Variants in IL21 observed in about 807,000 individuals in gnomAD.
IL21 encodes interleukin-21.
A neutral mutation model predicts 18.4 loss-of-function variants in IL21; 3 were observed. The observed-to-expected ratio is 0.16, with a 90% confidence interval of 0.07 to 0.42. The LOEUF (loss-of-function observed/expected upper bound fraction) is 0.42, where lower values mean the gene tolerates loss of function less well. IL21 is among the 10% of genes least tolerant of loss of function. The pLI is 0.99. For synonymous variants in IL21, 37 were observed against 62.0 expected, an observed-to-expected ratio of 0.60 and a Z score of 1.90; for missense variants, 130 against 188.4, an observed-to-expected ratio of 0.69 and a Z score of 1.81.
Position 122,612,776 on chromosome 4 carries a change from A to G in IL21, c.439-16T>C. ...GATGAATCATCTGTGGAAATAGTAT[A>G]CCGTGAGTAACTAAGAAGCAAATCT... On this transcript the variant is annotated splice_polypyrimidine_tract_variant and intron_variant, in intron 4 of 4. Transcript: ENST00000648588. The G allele has an allele frequency of 6.2e-7, 1 of 1,613,562 alleles. No individual in the cohort carries two copies. Among genetic ancestry groups the G allele is most frequent in the Non-Finnish European group, 8.5e-7 (1 of 1,179,654 alleles).
In IL21 at chr4:122,612,598, G is replaced by GGTTTT; in HGVS notation, c.*111_*112insAAAAC. 1.3e-6 allele frequency: 1 copy of GGTTTT among 749,682 alleles called. No homozygotes were observed. Among genetic ancestry groups the GGTTTT allele is most frequent in the East Asian group, 2.7e-5 (1 of 37,564 alleles). The allele number at this position is 749,682 out of a possible 1,614,324, so 46.4% of individuals were successfully genotyped here. A position where few individuals can be genotyped will look rare whatever the true frequency, so the allele number is the denominator to read the frequency against. On this transcript the variant is annotated 3_prime_UTR_variant, in exon 5 of 5. Coordinates refer to ENST00000648588, the MANE Select transcript of IL21 (RefSeq NM_021803.4). The stretch of plus-strand genomic sequence containing the variant: ...TAATCCTGACTTTGCACACTTATGA[G>GGTTTT]TTTTTTTTTCCCATCGCTAATATAT...
At chr4:122,619,895 T>C (rs1425218915) in intron 2 of IL21, 4 of 152,382 alleles carry the variant, frequency 2.6e-5, no homozygotes, top group Non-Finnish European at 1.5e-5. Context: ...GTAGCACTTT[T>C]AGTTATTCTA....
chr4:122,610,811 A>G lies in IL21; in HGVS notation c.*1899T>C, dbSNP rs1406637380. Among the ~76,000 whole-genome samples, 3 of 152,194 alleles carry G rather than the reference A, an allele frequency of 2.0e-5. No homozygotes were observed. Among genetic ancestry groups the G allele is most frequent in the African/African-American group, 7.2e-5 (3 of 41,460 alleles). On this transcript the variant is annotated 3_prime_UTR_variant, in exon 5 of 5. Coordinates refer to ENST00000648588, the MANE Select transcript of IL21 (RefSeq NM_021803.4). Reference sequence around the variant, plus strand: ...AGAGCAGTGAAGATGGAGCTGTTCAAGTCTCACTGCTTCATCTTGTTTATT... The same window carrying G: ...AGAGCAGTGAAGATGGAGCTGTTCAGGTCTCACTGCTTCATCTTGTTTATT...
intron 3 of IL21, among the ~76,000 whole-genome samples, chr4:122,614,655 A>C (rs1799312495): frequency 6.6e-6 from 1 of 152,064 alleles, no homozygotes; most frequent in African/African-American, 2.4e-5. Flanking sequence ...GCAGTGAGCC[A>C]AGACCTTGCC....
Position 122,612,652 on chromosome 4 carries a change from A to G in IL21, c.*58T>C, listed in dbSNP as rs1578434627. 4.8e-6 allele frequency: 6 copies of G among 1,257,720 alleles called. No individual in the cohort carries two copies. The highest frequency in any genetic ancestry group is 7.0e-6 in the Non-Finnish European group (6 of 860,466). 77.9% of individuals were successfully genotyped at this position (1,257,720 alleles called of 1,614,324 possible). On this transcript the variant is annotated 3_prime_UTR_variant, in exon 5 of 5. Transcript: ENST00000648588. ...ACTCCTCCACTTGGAATACAAAGAA[A>G]TGACTTTCACTACTATATTAGAGTA...
chr4:122,617,651 C>G (rs1180407729), intron 2 of IL21, among the ~76,000 whole-genome samples: 2 of 152,182 alleles, frequency 1.3e-5, no homozygotes, highest in Admixed American at 6.5e-5. Context: ...TTCTGAAAGC[C>G]TTTGAATGGT....
intron 2 of IL21, chr4:122,618,923 G>A (rs1018765897): frequency 6.8e-6 from 1 of 146,770 alleles, no homozygotes; most frequent in Non-Finnish European, 1.5e-5. Flanking sequence ...ATTCTTTGTT[G>A]TCAGGGCTGT....
At chr4:122,617,042 C>A (rs1209370862) in intron 2 of IL21, among the ~76,000 whole-genome samples, 2 of 152,122 alleles carry the variant, frequency 1.3e-5, no homozygotes, top group Non-Finnish European at 2.9e-5. Flanking sequence ...ATTTTCCAAC[C>A]CATATGCTTA....
intron 3 of IL21, 79 bp downstream of exon 3, chr4:122,615,603 G>T: frequency 7.7e-7 from 1 of 1,292,218 alleles, no homozygotes. Flanking sequence ...CCTGGCTACA[G>T]GTGTGTGTGT....
rs17882365 is a variant in IL21 at position 122,620,822 on chromosome 4, G to A, written c.168+22C>T. 2.5e-3 allele frequency: 3,974 copies of A among 1,612,728 alleles called. 8 individuals carry two copies. Among genetic ancestry groups the A allele is most frequent in the Non-Finnish European group, 3.1e-3 (3,656 of 1,178,908 alleles). On this transcript the variant is annotated intron_variant, in intron 1 of 4. Coordinates refer to ENST00000648588, the MANE Select transcript of IL21 (RefSeq NM_021803.4). ...AATTGAAAAGTATGATTTAGATTTT[G>A]TTGTGACAAATATAGTCTTACCAAG...
intron 3 of IL21, among the ~76,000 whole-genome samples, 149 bp downstream of exon 3, chr4:122,615,527 TAAAAAA>T (rs10530157): frequency 1.1e-4 from 16 of 143,238 alleles, no homozygotes; most frequent in East Asian, 4.1e-4. Flanking sequence ...GACTCTGTCT[TAAAAAA>T]AAAAAAAAAA....
rs939662205 is a variant in IL21 at position 122,610,690 on chromosome 4, C to T, written c.*2020G>A. ...ACAGTGACCACTATTTCATAGTCAA[C>T]AAAATTTCACGTCTCCTGTATTACT... On this transcript the variant is annotated 3_prime_UTR_variant, in exon 5 of 5. Coordinates refer to ENST00000648588, the MANE Select transcript of IL21 (RefSeq NM_021803.4). Among the ~76,000 whole-genome samples the T allele has an allele frequency of 5.3e-5, 8 of 152,178 alleles. No homozygotes were observed. Among genetic ancestry groups the T allele is most frequent in the African/African-American group, 1.9e-4 (8 of 41,442 alleles).
At chr4:122,619,442 A>G (rs541668449) in intron 2 of IL21, 4 of 152,338 alleles carry the variant, frequency 2.6e-5, no homozygotes, top group Admixed American at 6.5e-5. Flanking sequence ...AATATCTTTC[A>G]TTAACAACAC....
rs1799264717 is a variant in IL21, at chr4:122,611,648, A to G, written c.*1062T>C. 6.6e-6 allele frequency among the ~76,000 whole-genome samples: 1 copy of G among 152,194 alleles called. No homozygotes were observed. The highest frequency in any genetic ancestry group is 2.4e-5 in the African/African-American group (1 of 41,450). ...ATGCTTATGCGAAAGTCTGTTTTCA[A>G]CTTGGACAGGAGTCCTGGCCTCTTG... On this transcript the variant is annotated 3_prime_UTR_variant, in exon 5 of 5. Transcript: ENST00000648588.
At chr4:122,613,705 A>G (rs530633832) in intron 3 of IL21, among the ~76,000 whole-genome samples, 16 of 152,222 alleles carry the variant, frequency 1.1e-4, no homozygotes, top group South Asian at 2.1e-4. Flanking sequence ...CTCTGTAAAT[A>G]ATTTTTCATA....
At chr4:122,618,770 C>T (rs190361847) in intron 2 of IL21, among the ~76,000 whole-genome samples, 1 of 134,516 alleles carries the variant, frequency 7.4e-6, no homozygotes, top group East Asian at 2.3e-4. Flanking sequence ...CGCACCACTG[C>T]ACTCCAGCCT....
chr4:122,611,224 T>C lies in IL21; in HGVS notation c.*1486A>G, dbSNP rs570178730. 5.9e-5 allele frequency among the ~76,000 whole-genome samples: 9 copies of C among 152,300 alleles called. No homozygotes were observed. The highest frequency in any genetic ancestry group is 2.2e-4 in the African/African-American group (9 of 41,552). ...ATCATCATCAGGCACATAATTCCTT[T>C]GTCATACATGTTCTAAAATGTTAAA... On this transcript the variant is annotated 3_prime_UTR_variant, in exon 5 of 5. Transcript: ENST00000648588.
Position 122,615,798 on chromosome 4 carries a change from C to G in IL21, c.244G>C (p.Ala82Pro). Residue 82 changes from alanine (A) to proline (P), a missense_variant, in exon 3 of 5, where the codon GCC (alanine) becomes CCC (proline). By Grantham distance (27) the Ala-to-Pro change is conservative. Transcript: ENST00000648588. ...CCTGTATTTGCTGACTTTAGTTGGG[C>G]CTTCTGAAAGCAGGAAAAAGCTGAC... ...EWSAFSCFQK[A>P]QLKSANTGNN... 2 of 1,613,162 alleles carry G rather than the reference C, an allele frequency of 1.2e-6. No homozygotes were observed. The highest frequency in any genetic ancestry group is 1.7e-6 in the Non-Finnish European group (2 of 1,179,538).
chr4:122,612,632 T>C lies in IL21; in HGVS notation c.*78A>G, dbSNP rs113469647. 2.6e-5 allele frequency: 28 copies of C among 1,062,212 alleles called. No homozygotes were observed. The African/African-American group carries it at 2.8e-4, about 11-fold the overall frequency. The allele number at this position is 1,062,212 out of a possible 1,614,324, so 65.8% of individuals were successfully genotyped here. A position where few individuals can be genotyped will look rare whatever the true frequency, so the allele number is the denominator to read the frequency against. On this transcript the variant is annotated 3_prime_UTR_variant, in exon 5 of 5. Coordinates refer to ENST00000648588, the MANE Select transcript of IL21 (RefSeq NM_021803.4). ...TCCCATCGCTAATATATTGTACTCCTCCACTTGGAATACAAAGAAATGACT... is the reference window on the plus strand; with the variant it reads ...TCCCATCGCTAATATATTGTACTCCCCCACTTGGAATACAAAGAAATGACT...
Sources: allele counts gnomAD v4.1 joint callset (sites outside exome capture counted in the v4.1 genomes callset), GRCh38; gene constraint gnomAD v4.1.1; transcripts MANE v1.5; gene names NCBI Gene and HGNC (gene_info 2026-07-23, HGNC 2026-07-21).